BCL2: variants seen among roughly 807,000 people sequenced by gnomAD.
The protein encoded by BCL2 is BCL2 apoptosis regulator.
BCL2 carries 1 observed loss-of-function variant against 14.2 expected under a neutral mutation model. The observed-to-expected ratio is 0.07, with a 90% CI of 0.02 to 0.33. The LOEUF (loss-of-function observed/expected upper bound fraction) is 0.33. Among genes scored for constraint, BCL2 ranks in the 10% least tolerant of loss-of-function variants. The probability of loss-of-function intolerance (pLI) is 0.99; values close to 1 mark genes in which losing one functional copy is unlikely to be tolerated. For missense variants in BCL2, 247 were observed against 305.9 expected (o/e 0.81, Z 1.44); for synonymous variants, 151 against 137.2 (o/e 1.10, Z -0.70).
intron 2 of BCL2, among the ~76,000 whole-genome samples, chr18:63,165,074 T>C (rs1915011372): frequency 6.9e-6 from 1 of 144,528 alleles, no homozygotes; most frequent in Admixed American, 6.7e-5. Flanking sequence ...AGTATAATAA[T>C]AAATAAATAA....
At chr18:63,282,547 G>C (rs77461827) in intron 2 of BCL2, among the ~76,000 whole-genome samples, 1 of 152,034 alleles carries the variant, frequency 6.6e-6, no homozygotes, top group Non-Finnish European at 1.5e-5. Context: ...TGTAAAGCAC[G>C]GCAATGGAAT....
chr18:63,264,960 C>A (rs567608819), intron 2 of BCL2, among the ~76,000 whole-genome samples: 93 of 374 alleles, frequency 0.25, no homozygotes, highest in African/African-American at 0.37. Flanking sequence ...CACGGACTCT[C>A]ACCGGTGACC....
At chr18:63,155,915 C>G (rs1914769008) in intron 2 of BCL2, among the ~76,000 whole-genome samples, 1 of 152,122 alleles carries the variant, frequency 6.6e-6, no homozygotes, top group Non-Finnish European at 1.5e-5. Context: ...CTCCCAGGAC[C>G]CTTCCCCGCC....
In BCL2 at chr18:63,311,010, A is replaced by G. The variant is rs190794580; in HGVS notation, c.585+7072T>C. ...TACATCCAGAAATGCCAATGCTGCC[A>G]TCCTTTATGGACTCGCTTTTTTTTT... On this transcript the variant is annotated intron_variant, in intron 2 of 2. Coordinates refer to ENST00000333681, the MANE Select transcript of BCL2 (RefSeq NM_000633.3). Among the ~76,000 whole-genome samples, 842 of 151,058 alleles carry G rather than the reference A, an allele frequency of 5.6e-3. 1 individual carries two copies. Among genetic ancestry groups the G allele is most frequent in the Non-Finnish European group, 7.8e-3 (532 of 67,848 alleles).
At chr18:63,233,391 GC>G (rs1324409918) in intron 2 of BCL2, among the ~76,000 whole-genome samples, 72 of 152,226 alleles carry the variant, frequency 4.7e-4, no homozygotes, top group African/African-American at 1.6e-3. Context: ...TTTTAAACTT[GC>G]AAAATGATAC....
At chr18:63,299,119 A>T (rs1442127021) in intron 2 of BCL2, among the ~76,000 whole-genome samples, 1 of 152,228 alleles carries the variant, frequency 6.6e-6, no homozygotes, top group Non-Finnish European at 1.5e-5. Flanking sequence ...TAGTGATAGA[A>T]CGTTTAGAAA....
In BCL2 at chr18:63,123,598, G is replaced by A. The variant is rs1913831752; in HGVS notation, c.*5027C>T. The A allele has an allele frequency of 9.5e-6, 2 of 209,930 alleles. No homozygotes were observed. Among genetic ancestry groups the A allele is most frequent in the Non-Finnish European group, 9.7e-6 (1 of 103,428 alleles). 13.0% of individuals were successfully genotyped at this position (209,930 alleles called of 1,614,324 possible). A position where few individuals can be genotyped will look rare whatever the true frequency, so the allele number is the denominator to read the frequency against. On this transcript the variant is annotated 3_prime_UTR_variant, in exon 3 of 3. Coordinates refer to ENST00000333681, the MANE Select transcript of BCL2 (RefSeq NM_000633.3). ...AAAGAGCCATGGAAGGTAAAAGTATGAAAATCTTGATAACAAAAGCTTTCA... is the reference window on the plus strand; with the variant it reads ...AAAGAGCCATGGAAGGTAAAAGTATAAAAATCTTGATAACAAAAGCTTTCA...
At chr18:63,286,288 T>G (rs147535407) in intron 2 of BCL2, among the ~76,000 whole-genome samples, 2 of 152,356 alleles carry the variant, frequency 1.3e-5, no homozygotes, top group East Asian at 3.9e-4. Context: ...ATTGAGCACC[T>G]TTTACACAGT....
intron 2 of BCL2, among the ~76,000 whole-genome samples, chr18:63,162,049 A>G (rs1914934105): frequency 6.6e-6 from 1 of 152,178 alleles, no homozygotes. Flanking sequence ...CCTTTGCTAC[A>G]CAGGGAGGGA....
rs1913975307 is a variant in BCL2, at chr18:63,128,511, A to T, written c.*114T>A. 1 of 660,928 alleles carries T rather than the reference A, an allele frequency of 1.5e-6. No homozygotes were observed. Among genetic ancestry groups the T allele is most frequent in the Admixed American group, 2.3e-5 (1 of 44,218 alleles). 40.9% of individuals were successfully genotyped at this position (660,928 alleles called of 1,614,324 possible). On this transcript the variant is annotated 3_prime_UTR_variant, in exon 3 of 3. Coordinates refer to ENST00000333681, the MANE Select transcript of BCL2 (RefSeq NM_000633.3). ...TGTGTGTGATGTTTATATGTGTGTT[A>T]TTTTTTCTTAAACAGCCTGCAGCTT... is the stretch of plus-strand genomic sequence containing the variant.
chr18:63,306,437 G>A (rs960118834), intron 2 of BCL2, among the ~76,000 whole-genome samples: 2 of 152,146 alleles, frequency 1.3e-5, no homozygotes, highest in Non-Finnish European at 1.5e-5. Context: ...CTCTTCCAGG[G>A]TGGGCCACCT....
intron 2 of BCL2, among the ~76,000 whole-genome samples, chr18:63,221,555 C>G (rs1328188996): frequency 6.6e-6 from 1 of 152,214 alleles, no homozygotes; most frequent in Non-Finnish European, 1.5e-5. Flanking sequence ...TTCAGACTCT[C>G]GCAAATGCTC....
intron 2 of BCL2, among the ~76,000 whole-genome samples, chr18:63,249,600 C>T (rs1008624104): frequency 4.6e-5 from 7 of 150,966 alleles, no homozygotes; most frequent in Non-Finnish European, 2.9e-5. Flanking sequence ...GCTCCAGCTA[C>T]TCGGGAGGCT....
chr18:63,285,187 A>G (rs1408829808), intron 2 of BCL2, among the ~76,000 whole-genome samples: 1 of 152,212 alleles, frequency 6.6e-6, no homozygotes, highest in African/African-American at 2.4e-5. Flanking sequence ...TCTAAACGGA[A>G]AAATAAAGAT....
chr18:63,244,363 G>T (rs1001555928), intron 2 of BCL2, among the ~76,000 whole-genome samples: 1 of 151,988 alleles, frequency 6.6e-6, no homozygotes, highest in Admixed American at 6.6e-5. Context: ...GGGCGACAGA[G>T]CAAGACTCTG....
intron 2 of BCL2, among the ~76,000 whole-genome samples, chr18:63,181,568 C>T (rs572493692): frequency 1.3e-5 from 2 of 152,298 alleles, no homozygotes; most frequent in East Asian, 3.9e-4. Flanking sequence ...AGAACCACTG[C>T]CTTTCAGCAC....
intron 2 of BCL2, among the ~76,000 whole-genome samples, chr18:63,143,909 A>G (rs1315609434): frequency 6.6e-6 from 1 of 152,186 alleles, no homozygotes; most frequent in Non-Finnish European, 1.5e-5. Flanking sequence ...GCTTGACTCC[A>G]TGACAATGAG....
intron 2 of BCL2, among the ~76,000 whole-genome samples, chr18:63,227,854 A>C (rs1177796749): frequency 6.6e-6 from 1 of 152,270 alleles, no homozygotes; most frequent in East Asian, 1.9e-4. Flanking sequence ...CCATAGGGAA[A>C]TGCTCACAAG....
chr18:63,311,954 A>G (rs1913336879), intron 2 of BCL2, among the ~76,000 whole-genome samples: 2 of 152,232 alleles, frequency 1.3e-5, no homozygotes, highest in Admixed American at 6.5e-5. Context: ...GTATAACCCC[A>G]CTATAATCTT....
Sources: gnomAD v4.1 joint callset for allele counts (sites outside exome capture counted in the v4.1 genomes callset) on GRCh38, gnomAD v4.1.1 for gene constraint, MANE v1.5 for transcripts, NCBI Gene and HGNC (gene_info 2026-07-23, HGNC 2026-07-21) for gene names.